The following SLC25A15 variants were observed in gnomAD, a reference collection of about 807,000 sequenced individuals.
The protein encoded by SLC25A15 is mitochondrial ornithine transporter 1.
Under a neutral mutation model 32.3 loss-of-function variants are expected in SLC25A15, and 24 were observed. The ratio of observed to expected loss-of-function variants is 0.74; its 90% CI spans 0.54 to 1.04. SLC25A15 has a LOEUF of 1.04. SLC25A15 is among the 50% of genes least tolerant of loss of function. The probability of loss-of-function intolerance (pLI) is 0.00; values close to 1 mark genes in which losing one functional copy is unlikely to be tolerated. For missense variants in SLC25A15, 317 were observed against 374.5 expected, an observed-to-expected ratio of 0.85 and a Z score of 1.27; for synonymous variants, 132 against 142.1, an observed-to-expected ratio of 0.93 and a Z score of 0.51.
chr13:40,807,910 C>G (rs1001761331), intron 5 of SLC25A15, among the ~76,000 whole-genome samples: 13 of 152,200 alleles, frequency 8.5e-5, no homozygotes, highest in Admixed American at 6.5e-5. Context: ...CAATGTTTGG[C>G]TCACATAAGT....
intron 3 of SLC25A15, among the ~76,000 whole-genome samples, chr13:40,802,857 C>T (rs1372359857): frequency 6.6e-6 from 1 of 152,080 alleles, no homozygotes; most frequent in East Asian, 1.9e-4. Context: ...CAGGTGTGAG[C>T]CACCGTGCCC....
At chr13:40,796,996 G>A (rs1159897572) in intron 2 of SLC25A15, among the ~76,000 whole-genome samples, 1 of 152,188 alleles carries the variant, frequency 6.6e-6, no homozygotes, top group Non-Finnish European at 1.5e-5. Flanking sequence ...TTCTAGGCAA[G>A]TGGAGAAATA....
At chr13:40,797,211 A>T (rs1470375054) in intron 2 of SLC25A15, among the ~76,000 whole-genome samples, 1 of 152,168 alleles carries the variant, frequency 6.6e-6, no homozygotes, top group Non-Finnish European at 1.5e-5. Flanking sequence ...TAGCATTTGT[A>T]CATTCATTAG....
chr13:40,800,538 A>C (rs976979687), intron 3 of SLC25A15, among the ~76,000 whole-genome samples: 5 of 152,218 alleles, frequency 3.3e-5, no homozygotes, highest in African/African-American at 1.2e-4. Context: ...CAGTTTCCTT[A>C]GCAAAGGACA....
chr13:40,792,060 CTG>C (rs1370452942), intron 1 of SLC25A15, among the ~76,000 whole-genome samples: 1 of 152,192 alleles, frequency 6.6e-6, no homozygotes, highest in Non-Finnish European at 1.5e-5. Context: ...CGTTTGAAAA[CTG>C]TACAGGATTG....
intron 3 of SLC25A15, 75 bp downstream of exon 3, chr13:40,799,390 C>T (rs530371530): frequency 1.3e-6 from 2 of 1,584,260 alleles, no homozygotes; most frequent in African/African-American, 1.3e-5. Context: ...GTGGCTCATG[C>T]CTGTAATCCC....
chr13:40,807,247 C>A, intron 4 of SLC25A15, 47 bp from the exon 5 acceptor site: 2 of 1,586,610 alleles, frequency 1.3e-6, no homozygotes, highest in Non-Finnish European at 1.7e-6. Flanking sequence ...GTCTTTTCTT[C>A]CTTCCCACCT....
chr13:40,805,977 T>G (rs1421602223), intron 4 of SLC25A15, among the ~76,000 whole-genome samples: 2 of 152,218 alleles, frequency 1.3e-5, no homozygotes, highest in Non-Finnish European at 2.9e-5. Flanking sequence ...GATATTGCTG[T>G]GGTTAACTCA....
At chr13:40,806,524 A>G (rs937695914) in intron 4 of SLC25A15, among the ~76,000 whole-genome samples, 1 of 152,216 alleles carries the variant, frequency 6.6e-6, no homozygotes, top group African/African-American at 2.4e-5. Flanking sequence ...GTTACATTCC[A>G]TGTAGCAGTG....
At position 40,811,726 on chromosome 13, in the gene SLC25A15, G is replaced by A. The variant is rs1212393195; in HGVS notation, c.*2059G>A. On this transcript the variant is annotated 3_prime_UTR_variant, in exon 7 of 7. Transcript: ENST00000338625. ...CCAGCAGGGTATCTCCCAATAAAGT[G>A]TTCCTAAGCAGCCTGTATACTGAGT... 6.6e-6 allele frequency among the ~76,000 whole-genome samples: 1 copy of A among 152,184 alleles called. No individual in the cohort carries two copies. The highest frequency in any genetic ancestry group is 1.5e-5 in the Non-Finnish European group (1 of 68,044).
chr13:40,800,697 C>T (rs1019764130), intron 3 of SLC25A15, among the ~76,000 whole-genome samples: 2 of 152,134 alleles, frequency 1.3e-5, no homozygotes, highest in African/African-American at 4.8e-5. Context: ...TGGCTCTGCC[C>T]GCCCCTCCAC....
intron 4 of SLC25A15, among the ~76,000 whole-genome samples, chr13:40,805,976 G>A (rs1189076361): frequency 2.0e-5 from 3 of 152,136 alleles, no homozygotes; most frequent in Admixed American, 1.3e-4. Flanking sequence ...GGATATTGCT[G>A]TGGTTAACTC....
intron 1 of SLC25A15, among the ~76,000 whole-genome samples, chr13:40,792,850 C>A (rs1881558668): frequency 6.6e-6 from 1 of 152,212 alleles, no homozygotes; most frequent in South Asian, 2.1e-4. Context: ...TCTAAAAAAA[C>A]AAGTCTGATG....
Position 40,800,151 on chromosome 13 carries a change from GCAGGTCC to G in SLC25A15, c.314+839_314+845del, listed in dbSNP as rs199738379. ...AGGAGTTTGAAACCTGATTGCAGCT[GCAGGTCC>G]CACACAACTGAATTCGGTTTCTTGT... On this transcript the variant is annotated intron_variant, in intron 3 of 6. Coordinates refer to ENST00000338625, the MANE Select transcript of SLC25A15 (RefSeq NM_014252.4). Among the ~76,000 whole-genome samples the G allele has an allele frequency of 8.2e-4, 125 of 152,338 alleles. 2 individuals carry two copies. In the East Asian group the frequency reaches 0.019, roughly 23 times the overall value.
chr13:40,795,949 G>T (rs1053367102), intron 2 of SLC25A15, among the ~76,000 whole-genome samples: 2 of 152,222 alleles, frequency 1.3e-5, no homozygotes, highest in African/African-American at 2.4e-5. Context: ...CCCTTGTCTG[G>T]TGTCGTTGCT....
chr13:40,793,301 C>A lies in SLC25A15; in HGVS notation c.55+20C>A. On this transcript the variant is annotated intron_variant, in intron 2 of 6. Transcript: ENST00000338625. ...CTGCAGGTACAGTCATGTGCCTCAT[C>A]ACCATGTTTCTGTCGTTGATGGATG... 1 of 1,606,292 alleles carries A rather than the reference C, an allele frequency of 6.2e-7. No individual in the cohort carries two copies.
Position 40,805,252 on chromosome 13 carries a change from A to T in SLC25A15, c.449A>T (p.Gln150Leu), listed in dbSNP as rs2138054278. 1 of 1,614,172 alleles carries T rather than the reference A, an allele frequency of 6.2e-7. No individual in the cohort carries two copies. Among genetic ancestry groups the T allele is most frequent in the East Asian group, 2.2e-5 (1 of 44,886 alleles). The change falls in exon 4 of 7, where the codon CAG (glutamine) becomes CTG (leucine). Residue 150 changes from glutamine (Q) to leucine (L), a missense_variant. Transcript: ENST00000338625. Reference sequence around the variant, plus strand: ...ACATCAGGGAAGATAGCCAAGAGCCAGAAGTAAGCACCACTTGGGCACAAA... The same window carrying T: ...ACATCAGGGAAGATAGCCAAGAGCCTGAAGTAAGCACCACTTGGGCACAAA... ...METSGKIAKS[Q>L]NTVWSVIKSI...
At chr13:40,794,266 G>A (rs917363100) in intron 2 of SLC25A15, among the ~76,000 whole-genome samples, 5 of 152,124 alleles carry the variant, frequency 3.3e-5, no homozygotes, top group African/African-American at 1.2e-4. Context: ...CTTGAACCCC[G>A]GAGGCGGAGG....
At position 40,812,319 on chromosome 13, in the gene SLC25A15, A is replaced by T. The variant is rs1269257647; in HGVS notation, c.*2652A>T. Among the ~76,000 whole-genome samples the T allele has an allele frequency of 6.7e-6, 1 of 150,258 alleles. No individual in the cohort carries two copies. The highest frequency in any genetic ancestry group is 1.5e-5 in the Non-Finnish European group (1 of 67,454). The stretch of plus-strand genomic sequence containing the variant: ...GAACGGAAACTTAGGTTGGGAGAAT[A>T]TTTTTTTTTTATTCATTCTGTTTGC... On this transcript the variant is annotated 3_prime_UTR_variant, in exon 7 of 7. Transcript: ENST00000338625.
Sources: gnomAD v4.1 joint callset for allele counts (sites outside exome capture counted in the v4.1 genomes callset) on GRCh38, gnomAD v4.1.1 for gene constraint, MANE v1.5 for transcripts, NCBI Gene and HGNC (gene_info 2026-07-23, HGNC 2026-07-21) for gene names.